NT5C2: variants seen among roughly 807,000 people sequenced by gnomAD.
The protein encoded by NT5C2 is cytosolic purine 5'-nucleotidase.
A neutral mutation model predicts 76.1 loss-of-function variants in NT5C2; 58 were observed. That is an observed-to-expected ratio of 0.76 (90% CI 0.62 to 0.95). NT5C2 has a LOEUF of 0.95. Among genes scored for constraint, NT5C2 ranks in the 40% least tolerant of loss-of-function variants. The probability of loss-of-function intolerance (pLI) is 0.00; values close to 1 mark genes in which losing one functional copy is unlikely to be tolerated. For synonymous variants in NT5C2, 229 were observed against 237.4 expected (o/e 0.96, Z 0.32); for missense variants, 478 against 690.3 (o/e 0.69, Z 3.45).
At chr10:103,100,574 A>C in intron 8 of NT5C2, 1 of 432,216 alleles carries the variant, frequency 2.3e-6, no homozygotes, top group Non-Finnish European at 4.6e-6. Flanking sequence ...AACTTGTTTA[A>C]GACTTACGCA....
chr10:103,090,862 T>G, intron 17 of NT5C2, 74 bp downstream of exon 17: 1 of 1,594,628 alleles, frequency 6.3e-7, no homozygotes, highest in Non-Finnish European at 8.6e-7. Context: ...TGCTAGTCTC[T>G]ATAATAAATC....
At chr10:103,178,247 A>C (rs1688892087) in intron 2 of NT5C2, among the ~76,000 whole-genome samples, 3 of 152,202 alleles carry the variant, frequency 2.0e-5, no homozygotes, top group Admixed American at 2.0e-4. Context: ...AATATCTAAA[A>C]CTATAAAACT....
In NT5C2 at chr10:103,182,598, G is replaced by A. The variant is rs1016807731; in HGVS notation, c.-168-1270C>T. On this transcript the variant is annotated intron_variant, in intron 1 of 18. Transcript: ENST00000404739. ...TGCAGTGAGCCGAGATCCCGCCACTGTACTCTAGCCTGGGTGACAGAGCAA... is the reference window on the plus strand; with the variant it reads ...TGCAGTGAGCCGAGATCCCGCCACTATACTCTAGCCTGGGTGACAGAGCAA... Among the ~76,000 whole-genome samples, 9 of 151,636 alleles carry A rather than the reference G, an allele frequency of 5.9e-5. No individual in the cohort carries two copies. In the South Asian group the frequency reaches 6.2e-4, roughly 11 times the overall value.
chr10:103,190,456 T>C (rs2092552630), intron 1 of NT5C2, among the ~76,000 whole-genome samples: 2 of 152,210 alleles, frequency 1.3e-5, no homozygotes, highest in African/African-American at 4.8e-5. Flanking sequence ...TACATTAATA[T>C]TCCTTCACTC....
intron 16 of NT5C2, among the ~76,000 whole-genome samples, chr10:103,091,332 G>A (rs890148528): frequency 5.9e-5 from 9 of 151,602 alleles, no homozygotes; most frequent in African/African-American, 1.7e-4. Flanking sequence ...GAGCCACTGC[G>A]CCTGGCCTGG....
chr10:103,149,097 CA>C (rs1389744175), intron 3 of NT5C2, among the ~76,000 whole-genome samples: 1 of 152,114 alleles, frequency 6.6e-6, no homozygotes, highest in African/African-American at 2.4e-5. Flanking sequence ...ACAAGTCAGT[CA>C]TGTAGGTTGT....
chr10:103,145,815 TATC>T (rs1332386137), intron 3 of NT5C2, among the ~76,000 whole-genome samples: 1 of 152,174 alleles, frequency 6.6e-6, no homozygotes, highest in African/African-American at 2.4e-5. Flanking sequence ...CAGCTTTTAT[TATC>T]ATATCCCACA....
chr10:103,103,273 A>G (rs1351755079), intron 6 of NT5C2, among the ~76,000 whole-genome samples: 1 of 152,212 alleles, frequency 6.6e-6, no homozygotes, highest in Non-Finnish European at 1.5e-5. Context: ...CCCTGTCTTA[A>G]GTCACTCTTC....
intron 4 of NT5C2, among the ~76,000 whole-genome samples, chr10:103,131,941 A>AT (rs2078253398): frequency 6.6e-6 from 1 of 151,074 alleles, no homozygotes; most frequent in African/African-American, 2.4e-5. Context: ...AAAAAAAATT[A>AT]TTTTTTAAAA....
rs778266420 is a variant in NT5C2, at chr10:103,127,377, AT to A, written c.175+12028del. 3.3e-5 allele frequency among the ~76,000 whole-genome samples: 5 copies of A among 152,246 alleles called. No individual in the cohort carries two copies. In the East Asian group the frequency reaches 9.6e-4, roughly 29 times the overall value. ...TTAGTCTTACATAGAAATCCTGCAA[AT>A]AAACCGATACACAGCTGGCTTCAAT... On this transcript the variant is annotated intron_variant, in intron 4 of 18. Coordinates refer to ENST00000404739, the MANE Select transcript of NT5C2 (RefSeq NM_001351169.2).
In NT5C2 at chr10:103,097,280, G is replaced by C. The variant is rs760124953; in HGVS notation, c.771+11C>G. ...CCACTGCATAAATAAATATACACATGAAGCACTTACATCTGTATATTTATA... is the reference window on the plus strand; with the variant it reads ...CCACTGCATAAATAAATATACACATCAAGCACTTACATCTGTATATTTATA... On this transcript the variant is annotated intron_variant, in intron 11 of 18. Coordinates refer to ENST00000404739, the MANE Select transcript of NT5C2 (RefSeq NM_001351169.2). 2 of 1,583,444 alleles carry C rather than the reference G, an allele frequency of 1.3e-6. No individual in the cohort carries two copies. The highest frequency in any genetic ancestry group is 2.2e-5 in the South Asian group (2 of 89,132).
chr10:103,175,940 AG>A (rs1329056633), intron 2 of NT5C2: 1 of 158,568 alleles, frequency 6.3e-6, no homozygotes, highest in Non-Finnish European at 1.4e-5. Flanking sequence ...GGCACTGCCC[AG>A]GAAAGGAAGG....
At chr10:103,129,513 CGGGA>C (rs2077536846) in intron 4 of NT5C2, among the ~76,000 whole-genome samples, 6 of 116,764 alleles carry the variant, frequency 5.1e-5, no homozygotes, top group Non-Finnish European at 9.4e-5. Flanking sequence ...CCGCCCCGTC[CGGGA>C]GGGAGGTGGG....
At chr10:103,092,083 C>T (rs1179276544) in intron 15 of NT5C2, among the ~76,000 whole-genome samples, 2 of 152,132 alleles carry the variant, frequency 1.3e-5, no homozygotes, top group Non-Finnish European at 2.9e-5. Context: ...GAAAGGCTAG[C>T]CAGAAAATCC....
At chr10:103,151,705 AG>A (rs1846331850) in intron 3 of NT5C2, among the ~76,000 whole-genome samples, 1 of 152,218 alleles carries the variant, frequency 6.6e-6, no homozygotes, top group Admixed American at 6.5e-5. Context: ...AATATTTCAT[AG>A]CTATCAAATG....
intron 14 of NT5C2, 70 bp from the exon 15 acceptor site, chr10:103,093,379 C>T: frequency 3.3e-6 from 4 of 1,228,974 alleles, no homozygotes; most frequent in Non-Finnish European, 4.4e-6. Flanking sequence ...AGTATTTAAC[C>T]ATTAAATACT....
chr10:103,118,502 G>A (rs969218815), intron 4 of NT5C2, among the ~76,000 whole-genome samples: 4 of 151,782 alleles, frequency 2.6e-5, no homozygotes, highest in Non-Finnish European at 5.9e-5. Context: ...GATTACAGAC[G>A]TGCACCACGC....
chr10:103,145,749 A>C (rs1007011029), intron 3 of NT5C2, among the ~76,000 whole-genome samples: 5 of 152,176 alleles, frequency 3.3e-5, no homozygotes, highest in African/African-American at 9.7e-5. Flanking sequence ...AACAATCTCT[A>C]GGTGACAGGA....
Position 103,106,655 on chromosome 10 carries a change from C to A in NT5C2, c.227G>T (p.Arg76Ile), listed in dbSNP as rs773823085. ...ESLGFELTVE[R>I]LVSIGYPQEL... ...CTGGGGATAGCCAATAGAAACTAAT[C>A]TCTCCACAGTAAGCTCAAAACCAAG... Residue 76 changes from arginine (R) to isoleucine (I), a missense_variant, in exon 5 of 19, where the codon AGA becomes ATA. Physicochemically the swap from Arg to Ile is moderately conservative, Grantham distance 97. Transcript: ENST00000404739. 1.2e-6 allele frequency: 2 copies of A among 1,613,884 alleles called. No individual in the cohort carries two copies. Among genetic ancestry groups the A allele is most frequent in the East Asian group, 4.5e-5 (2 of 44,854 alleles).
Sources: gnomAD v4.1 joint callset for allele counts (sites outside exome capture counted in the v4.1 genomes callset) on GRCh38, gnomAD v4.1.1 for gene constraint, MANE v1.5 for transcripts, NCBI Gene and HGNC (gene_info 2026-07-23, HGNC 2026-07-21) for gene names.